The following MIPOL1 variants were observed in gnomAD, a reference collection of about 807,000 sequenced individuals.
The protein encoded by MIPOL1 is mirror-image polydactyly gene 1 protein.
Under a neutral mutation model 60.9 loss-of-function variants are expected in MIPOL1, and 57 were observed. That is an observed-to-expected ratio of 0.94 (90% CI 0.76 to 1.17). The LOEUF is 1.17. Among genes scored for constraint, MIPOL1 ranks in the 50% most tolerant of loss-of-function variants. The pLI, the probability that MIPOL1 is intolerant of heterozygous loss-of-function variation, is 0.00. For missense variants in MIPOL1, 551 were observed against 511.6 expected, an observed-to-expected ratio of 1.08 and a Z score of -0.74; for synonymous variants, 179 against 168.8, an observed-to-expected ratio of 1.06 and a Z score of -0.47.
chr14:37,499,549 T>G (rs1020516490), intron 11 of MIPOL1, among the ~76,000 whole-genome samples: 1 of 152,196 alleles, frequency 6.6e-6, no homozygotes, highest in Non-Finnish European at 1.5e-5. Flanking sequence ...CATTCTCTTC[T>G]CACTTCTTTC....
chr14:37,399,312 C>T (rs1189902327), intron 10 of MIPOL1, among the ~76,000 whole-genome samples: 1 of 152,170 alleles, frequency 6.6e-6, no homozygotes, highest in Non-Finnish European at 1.5e-5. Context: ...ATTAAAAATA[C>T]TTGCCCTATG....
intron 1 of MIPOL1, among the ~76,000 whole-genome samples, chr14:37,201,557 T>A (rs1029143271): frequency 6.6e-6 from 1 of 152,204 alleles, no homozygotes; most frequent in African/African-American, 2.4e-5. Flanking sequence ...TTTGAGCTGT[T>A]CCATCTTGGG....
At chr14:37,524,759 G>A (rs1423338482) in intron 12 of MIPOL1, among the ~76,000 whole-genome samples, 6 of 150,970 alleles carry the variant, frequency 4.0e-5, no homozygotes, top group Non-Finnish European at 7.4e-5. Flanking sequence ...TAGTAGAGAC[G>A]GGGTTTCACC....
intron 10 of MIPOL1, among the ~76,000 whole-genome samples, chr14:37,407,808 G>GTATGCTT (rs1364241157): frequency 2.2e-5 from 3 of 135,794 alleles, no homozygotes; most frequent in Non-Finnish European, 4.8e-5. Flanking sequence ...ATATCTCCCA[G>GTATGCTT]TATGCTTTAT....
chr14:37,268,766 G>A lies in MIPOL1; in HGVS notation c.360G>A (p.Leu120=). 6.3e-7 allele frequency: 1 copy of A among 1,590,726 alleles called. No homozygotes were observed. The highest frequency in any genetic ancestry group is 8.6e-7 in the Non-Finnish European group (1 of 1,165,748). ...EKTIAFLLKE[L]DILRTSNKKL... The stretch of plus-strand genomic sequence containing the variant: ...CAATAGCATTTCTTCTAAAAGAATT[G>A]GATATTCTCAGAACAAGCAATAAAA... Residue 120 remains leucine (L), a synonymous_variant, in exon 5 of 13, where the codon TTG becomes TTA. Transcript: ENST00000684589.
intron 11 of MIPOL1, among the ~76,000 whole-genome samples, chr14:37,450,261 C>T (rs1219177535): frequency 6.6e-6 from 1 of 152,140 alleles, no homozygotes; most frequent in African/African-American, 2.4e-5. Context: ...CTCCAGTTTG[C>T]TGCACAGTTT....
At chr14:37,469,296 C>T (rs772726289) in intron 11 of MIPOL1, among the ~76,000 whole-genome samples, 5 of 152,110 alleles carry the variant, frequency 3.3e-5, no homozygotes, top group Non-Finnish European at 5.9e-5. Context: ...AGATATGTCA[C>T]ATAGCTAGAG....
intron 7 of MIPOL1, among the ~76,000 whole-genome samples, chr14:37,293,011 G>A (rs565846946): frequency 3.9e-5 from 6 of 152,164 alleles, no homozygotes; most frequent in East Asian, 1.9e-4. Flanking sequence ...CTCTCTATAC[G>A]TATCCTAATT....
intron 12 of MIPOL1, among the ~76,000 whole-genome samples, chr14:37,533,757 C>T (rs980347890): frequency 1.3e-5 from 2 of 152,200 alleles, no homozygotes; most frequent in African/African-American, 4.8e-5. Context: ...CATTCTGTCA[C>T]ATGCCTGCTT....
chr14:37,537,956 C>CT (rs1036531175), intron 12 of MIPOL1, among the ~76,000 whole-genome samples: 1 of 152,082 alleles, frequency 6.6e-6, no homozygotes, highest in Non-Finnish European at 1.5e-5. Context: ...GGTTATTAGG[C>CT]TTTTTTTGAT....
chr14:37,356,715 C>G (rs1006895340), intron 9 of MIPOL1, among the ~76,000 whole-genome samples: 1 of 152,192 alleles, frequency 6.6e-6, no homozygotes, highest in Non-Finnish European at 1.5e-5. Flanking sequence ...AAAGGGAACT[C>G]CCTGACCCCT....
intron 10 of MIPOL1, among the ~76,000 whole-genome samples, chr14:37,409,254 A>G (rs1436329970): frequency 6.6e-6 from 1 of 152,190 alleles, no homozygotes; most frequent in African/African-American, 2.4e-5. Flanking sequence ...GACACAACAC[A>G]ACAAAAACAA....
rs527854053 is a variant in MIPOL1, at chr14:37,261,008, T to C, written c.20-5930T>C. Among the ~76,000 whole-genome samples, 10 of 152,200 alleles carry C rather than the reference T, an allele frequency of 6.6e-5. No homozygotes were observed. The South Asian group carries it at 2.1e-3, about 32-fold the overall frequency. On this transcript the variant is annotated intron_variant, in intron 3 of 12. Coordinates refer to ENST00000684589, the MANE Select transcript of MIPOL1 (RefSeq NM_001388067.1). The stretch of plus-strand genomic sequence containing the variant: ...TTAATTTTCTTTCTTTGACGGTGAA[T>C]TTTCTCAGAATCTTTCCTGAATGTC...
chr14:37,447,023 A>G (rs1321754260), intron 11 of MIPOL1, among the ~76,000 whole-genome samples: 3 of 152,030 alleles, frequency 2.0e-5, no homozygotes, highest in Non-Finnish European at 4.4e-5. Flanking sequence ...ATGTATACAT[A>G]TGTAACTAAC....
intron 1 of MIPOL1, among the ~76,000 whole-genome samples, chr14:37,246,182 A>G (rs903635988): frequency 1.3e-5 from 2 of 152,142 alleles, no homozygotes; most frequent in Non-Finnish European, 1.5e-5. Flanking sequence ...GTTATTATCC[A>G]TAACAGCCAA....
At chr14:37,526,126 T>G (rs570553712) in intron 12 of MIPOL1, among the ~76,000 whole-genome samples, 2 of 151,966 alleles carry the variant, frequency 1.3e-5, no homozygotes, top group East Asian at 3.9e-4. Flanking sequence ...AAAATATGAT[T>G]TCTTAATAAT....
intron 1 of MIPOL1, among the ~76,000 whole-genome samples, chr14:37,218,591 A>C (rs1968163244): frequency 6.6e-6 from 1 of 152,100 alleles, no homozygotes. Context: ...GTATTCTGCC[A>C]TTGTTGGATG....
rs188246359 is a variant in MIPOL1 at position 37,250,118 on chromosome 14, C to G, written c.19+2211C>G. On this transcript the variant is annotated intron_variant, in intron 3 of 12. Transcript: ENST00000684589. Reference sequence around the variant, plus strand: ...GACAGTTTACAGTAGGCACAGTAAACTATATAGATGCATAGACAGTTTACA... The same window carrying G: ...GACAGTTTACAGTAGGCACAGTAAAGTATATAGATGCATAGACAGTTTACA... Among the ~76,000 whole-genome samples, 6 of 152,166 alleles carry G rather than the reference C, an allele frequency of 3.9e-5. No homozygotes were observed. The East Asian group carries it at 5.8e-4, about 15-fold the overall frequency.
chr14:37,512,136 C>T, intron 12 of MIPOL1, among the ~76,000 whole-genome samples: 1 of 148,484 alleles, frequency 6.7e-6, no homozygotes. Flanking sequence ...ATATAGGGCA[C>T]CCTATATCTT....
Sources: gnomAD v4.1 joint callset for allele counts (sites outside exome capture counted in the v4.1 genomes callset) on GRCh38, gnomAD v4.1.1 for gene constraint, MANE v1.5 for transcripts, NCBI Gene and HGNC (gene_info 2026-07-23, HGNC 2026-07-21) for gene names.